The following BAP1 variants were observed in gnomAD, a reference collection of about 807,000 sequenced individuals.
BAP1 encodes BRCA1 associated deubiquitinase 1.
A neutral mutation model predicts 77.2 loss-of-function variants in BAP1; 16 were observed. That is an observed-to-expected ratio of 0.21 (90% confidence interval 0.14 to 0.31). The LOEUF (loss-of-function observed/expected upper bound fraction) is 0.31, where lower values mean the gene tolerates loss of function less well. Among genes scored for constraint, BAP1 ranks in the 10% least tolerant of loss-of-function variants. BAP1 has a pLI of 1.00. For synonymous variants in BAP1, 362 were observed against 385.2 expected (o/e 0.94, Z 0.71); for missense variants, 699 against 967.3 (o/e 0.72, Z 3.68).
chr3:52,405,624 C>T (rs2153227145), intron 10 of BAP1, 141 bp downstream of exon 10: 1 of 1,342,956 alleles, frequency 7.4e-7, no homozygotes, highest in South Asian at 1.3e-5. Context: ...TAGGGAAGGA[C>T]TGCTCTCCCT....
At position 52,402,466 on chromosome 3, in the gene BAP1, G is replaced by A; in HGVS notation, c.2057-45C>T. ...CTTGAGCAGGTGCTGGCTGCCTCAG[G>A]CCAGGAGCTGAGGCTCTCATGGCCC... On this transcript the variant is annotated intron_variant, in intron 16 of 16. Transcript: ENST00000460680. This position sits in a 1 kb window ranked among gnomAD's most constrained non-coding sequence, Gnocchi z 5.3. 1 of 1,581,148 alleles carries A rather than the reference G, an allele frequency of 6.3e-7. No individual in the cohort carries two copies. The highest frequency in any genetic ancestry group is 8.6e-7 in the Non-Finnish European group (1 of 1,164,040).
chr3:52,409,991 G>C lies in BAP1; in HGVS notation c.-113C>G. ...CCCTCAGTCCCACACACAGACAACG[G>C]GCCCAGTCGCGTCACCCGCCCGCGC... On this transcript the variant is annotated 5_prime_UTR_variant, in exon 1 of 17. Transcript: ENST00000460680. The C allele has an allele frequency of 6.8e-7, 1 of 1,468,456 alleles. No individual in the cohort carries two copies. The allele number at this position is 1,468,456 out of a possible 1,614,324, so 91.0% of individuals were successfully genotyped here. A position where few individuals can be genotyped will look rare whatever the true frequency, so the allele number is the denominator to read the frequency against.
Position 52,406,021 on chromosome 3 carries a change from C to T in BAP1, c.784-109G>A, listed in dbSNP as rs528933014. 6 of 1,547,772 alleles carry T rather than the reference C, an allele frequency of 3.9e-6. No individual in the cohort carries two copies. The East Asian group carries it at 6.8e-5, about 17-fold the overall frequency. On this transcript the variant is annotated intron_variant, in intron 9 of 16. Coordinates refer to ENST00000460680, the MANE Select transcript of BAP1 (RefSeq NM_004656.4). This position sits in a 1 kb window ranked among gnomAD's most constrained non-coding sequence, Gnocchi z 4.6. ...AATAATGGCCTTGGCTCTACCCATT[C>T]ACTCACAGGGAAATAAAACACCCAA... is the stretch of plus-strand genomic sequence containing the variant.
In BAP1 at chr3:52,403,247, C is replaced by G. The variant is rs144172190; in HGVS notation, c.1781G>C (p.Gly594Ala). ...CTCCTTCTCCACTGGGCTGCTGGACCCCTGGCTGCCTTGGATTGGTCTGAT... is the reference window on the plus strand; with the variant it reads ...CTCCTTCTCCACTGGGCTGCTGGACGCCTGGCTGCCTTGGATTGGTCTGAT... ...PSIRPIQGSQGSSSPVEKEVV... is the reference protein window; with the variant it reads ...PSIRPIQGSQASSSPVEKEVV... Residue 594 changes from glycine to alanine, a missense_variant, in exon 14 of 17, where the codon GGG becomes GCG. Physicochemically the swap from Gly to Ala is moderately conservative, Grantham distance 60 (BLOSUM62 0). Coordinates refer to ENST00000460680, the MANE Select transcript of BAP1 (RefSeq NM_004656.4). The surrounding 1 kb of genome is among the most constrained non-coding windows in gnomAD (Gnocchi z 4.0). The G allele has an allele frequency of 6.7e-5, 108 of 1,614,172 alleles. No individual in the cohort carries two copies. Among genetic ancestry groups the G allele is most frequent in the Admixed American group, 1.0e-4 (6 of 60,032 alleles).
chr3:52,403,071 T>C lies in BAP1; in HGVS notation c.1890+67A>G. ...AAGTTCCAATCAAGAACTTGGCACCTGGGCAGGAGGAGCTCAGGCCTTACC... is the reference window on the plus strand; with the variant it reads ...AAGTTCCAATCAAGAACTTGGCACCCGGGCAGGAGGAGCTCAGGCCTTACC... On this transcript the variant is annotated intron_variant, in intron 14 of 16. Transcript: ENST00000460680. This position sits in a 1 kb window ranked among gnomAD's most constrained non-coding sequence, Gnocchi z 4.0. 6.2e-7 allele frequency: 1 copy of C among 1,603,108 alleles called. No individual in the cohort carries two copies. The highest frequency in any genetic ancestry group is 1.3e-5 in the African/African-American group (1 of 75,006).
At chr3:52,405,501 A>G in intron 10 of BAP1, 1 of 592,406 alleles carries the variant, frequency 1.7e-6, no homozygotes, top group South Asian at 2.3e-5. Context: ...AGAAAAAAAA[A>G]AAAAAAAAAA....
chr3:52,408,986 T>C (rs1019129922), intron 3 of BAP1, among the ~76,000 whole-genome samples: 4 of 152,254 alleles, frequency 2.6e-5, no homozygotes, highest in Admixed American at 2.0e-4. Flanking sequence ...CCTTCTCACT[T>C]GTGGGCCCCA....
rs754653135 is a variant in BAP1 at position 52,403,609 on chromosome 3, G to A, written c.1536C>T (p.Arg512=). The change falls in exon 13 of 17, where the codon CGC becomes CGT. Residue 512 remains arginine (R), a synonymous_variant. Transcript: ENST00000460680. The surrounding 1 kb of genome is among the most constrained non-coding windows in gnomAD (Gnocchi z 4.0). ...AFNSPLRSPI[R]SANPTRPSSP... ...TGGAGGGCCGCGTCGGGTTGGCTGA[G>A]CGGATAGGCGAGCGCAGTGGCGAGT... is the stretch of plus-strand genomic sequence containing the variant. 6.2e-6 allele frequency: 10 copies of A among 1,614,214 alleles called. No homozygotes were observed. The East Asian group carries it at 1.3e-4, about 22-fold the overall frequency.
rs71084182 is a variant in BAP1 at position 52,405,492 on chromosome 3, GAAAAAAAAAAAAA to G, written c.932-211_932-199del. ...TGAGATGGGAAAAAAGAAGCAGGAA[GAAAAAAAAAAAAA>G]AAAAAAAAAAAAAAAACCGCCTCTA... is the stretch of plus-strand genomic sequence containing the variant. On this transcript the variant is annotated intron_variant, in intron 10 of 16. Coordinates refer to ENST00000460680, the MANE Select transcript of BAP1 (RefSeq NM_004656.4). The G allele has an allele frequency of 4.6e-3, 378 of 81,330 alleles. 1 individual carries two copies. The highest frequency in any genetic ancestry group is 0.017 in the African/African-American group (186 of 10,936). The allele number at this position is 81,330 out of a possible 1,614,324, so 5.0% of individuals were successfully genotyped here.
At position 52,408,626 on chromosome 3, in the gene BAP1, G is replaced by A. The variant is rs747271100; in HGVS notation, c.123-20C>T. 37 of 1,605,710 alleles carry A rather than the reference G, an allele frequency of 2.3e-5. No individual in the cohort carries two copies. The highest frequency in any genetic ancestry group is 2.8e-5 in the Non-Finnish European group (33 of 1,175,904). On this transcript the variant is annotated intron_variant, in intron 3 of 16. Coordinates refer to ENST00000460680, the MANE Select transcript of BAP1 (RefSeq NM_004656.4). ...ACAGGGCTGGGGGAAGTAAGGGGCA[G>A]AGCCAGATCAGCCAAAGGGGAGAAG...
chr3:52,401,162 A>C lies in BAP1; in HGVS notation c.*1126T>G. ...TGTACAGATAAAGGGGCCTGCTTGGATCACCTTTTTCAAAGCCATCTGGCA... is the reference window on the plus strand; with the variant it reads ...TGTACAGATAAAGGGGCCTGCTTGGCTCACCTTTTTCAAAGCCATCTGGCA... On this transcript the variant is annotated 3_prime_UTR_variant, in exon 17 of 17. Coordinates refer to ENST00000460680, the MANE Select transcript of BAP1 (RefSeq NM_004656.4). 1 of 232,798 alleles carries C rather than the reference A, an allele frequency of 4.3e-6. No individual in the cohort carries two copies. The highest frequency in any genetic ancestry group is 8.5e-6 in the Non-Finnish European group (1 of 117,780). The allele number at this position is 232,798 out of a possible 1,614,324, so 14.4% of individuals were successfully genotyped here. A position where few individuals can be genotyped will look rare whatever the true frequency, so the allele number is the denominator to read the frequency against.
In BAP1 at chr3:52,403,441, C is replaced by T. The variant is rs1553644812; in HGVS notation, c.1704G>A (p.Gly568=). The T allele has an allele frequency of 1.2e-6, 2 of 1,613,840 alleles. No individual in the cohort carries two copies. The highest frequency in any genetic ancestry group is 1.7e-5 in the Admixed American group (1 of 60,022). Residue 568 remains glycine, a synonymous_variant, in exon 13 of 17, where the codon GGG becomes GGA. Coordinates refer to ENST00000460680, the MANE Select transcript of BAP1 (RefSeq NM_004656.4). This position sits in a 1 kb window ranked among gnomAD's most constrained non-coding sequence, Gnocchi z 4.0. ...STGLLHLAED[G]VLSPLALTEG... Reference sequence around the variant, plus strand: ...CTGTCAGCGCCAGGGGACTCAGCACCCCATCCTCAGCCAGGTGCAGCAGGC... The same window carrying T: ...CTGTCAGCGCCAGGGGACTCAGCACTCCATCCTCAGCCAGGTGCAGCAGGC...
rs2153227394 is a variant in BAP1, at chr3:52,406,207, C to T, written c.783+46G>A. On this transcript the variant is annotated intron_variant, in intron 9 of 16. Coordinates refer to ENST00000460680, the MANE Select transcript of BAP1 (RefSeq NM_004656.4). The surrounding 1 kb of genome is among the most constrained non-coding windows in gnomAD (Gnocchi z 4.6). ...GCTGTGGGGGAAGGGAGGAGGAATGCAGGGAGGGTTGGGCTGGGCAGAGGC... is the reference window on the plus strand; with the variant it reads ...GCTGTGGGGGAAGGGAGGAGGAATGTAGGGAGGGTTGGGCTGGGCAGAGGC... 3 of 1,613,152 alleles carry T rather than the reference C, an allele frequency of 1.9e-6. No homozygotes were observed. The highest frequency in any genetic ancestry group is 1.7e-6 in the Non-Finnish European group (2 of 1,179,704).
Position 52,402,559 on chromosome 3 carries a change from C to G in BAP1, c.2056+43G>C. 6.2e-7 allele frequency: 1 copy of G among 1,612,666 alleles called. No homozygotes were observed. The highest frequency in any genetic ancestry group is 8.5e-7 in the Non-Finnish European group (1 of 1,178,742). On this transcript the variant is annotated intron_variant, in intron 16 of 16. Transcript: ENST00000460680. The surrounding 1 kb of genome is among the most constrained non-coding windows in gnomAD (Gnocchi z 5.3). Reference sequence around the variant, plus strand: ...GGGAGGGGAGCTGAAGGACACGGCCCTCAGCAGGGCATTCCAGTTAAGACA... The same window carrying G: ...GGGAGGGGAGCTGAAGGACACGGCCGTCAGCAGGGCATTCCAGTTAAGACA...
rs1704971448 is a variant in BAP1 at position 52,402,023 on chromosome 3, C to T, written c.*265G>A. 1 of 594,028 alleles carries T rather than the reference C, an allele frequency of 1.7e-6. No homozygotes were observed. The allele number at this position is 594,028 out of a possible 1,614,324, so 36.8% of individuals were successfully genotyped here. ...CAGGCAGAAGGGCCAGGTCCTGCTG[C>T]TCCACAGCCGGCTGTGGAGGAAGCT... On this transcript the variant is annotated 3_prime_UTR_variant, in exon 17 of 17. Coordinates refer to ENST00000460680, the MANE Select transcript of BAP1 (RefSeq NM_004656.4). The surrounding 1 kb of genome is among the most constrained non-coding windows in gnomAD (Gnocchi z 5.3).
In BAP1 at chr3:52,406,485, A is replaced by G; in HGVS notation, c.660-109T>C. On this transcript the variant is annotated intron_variant, in intron 8 of 16. Coordinates refer to ENST00000460680, the MANE Select transcript of BAP1 (RefSeq NM_004656.4). This position sits in a 1 kb window ranked among gnomAD's most constrained non-coding sequence, Gnocchi z 4.6. ...TGCAGTCACACCTGCAGCTGTAGGT[A>G]TAGGCCCCACCCCAACAGGCAGGCA... 6 of 1,530,632 alleles carry G rather than the reference A, an allele frequency of 3.9e-6. No individual in the cohort carries two copies. Among genetic ancestry groups the G allele is most frequent in the Non-Finnish European group, 5.3e-6 (6 of 1,129,666 alleles). 94.8% of individuals were successfully genotyped at this position (1,530,632 alleles called of 1,614,324 possible). A position where few individuals can be genotyped will look rare whatever the true frequency, so the allele number is the denominator to read the frequency against.
rs2153226652 is a variant in BAP1, at chr3:52,403,553, A to G, written c.1592T>C (p.Leu531Pro). ...CAGCAGGCTGTCATCCTCTCCAAAA[A>G]GCACCTTGGAGATGTGGGAGGTGAC... ...SPVTSHISKV[L>P]FGEDDSLLRV... Residue 531 changes from leucine (L) to proline (P), a missense_variant, in exon 13 of 17, where the codon CTT (leucine) becomes CCT (proline). Physicochemically the swap from Leu to Pro is moderately conservative, Grantham distance 98 (BLOSUM62 -3). Around this residue, in one of 3 missense-constraint regions of BAP1, gnomAD observed 475 missense variants for 532.4 expected, o/e 0.89. Coordinates refer to ENST00000460680, the MANE Select transcript of BAP1 (RefSeq NM_004656.4). The surrounding 1 kb of genome is among the most constrained non-coding windows in gnomAD (Gnocchi z 4.0). The G allele has an allele frequency of 1.2e-6, 2 of 1,614,124 alleles. No individual in the cohort carries two copies. The highest frequency in any genetic ancestry group is 1.7e-6 in the Non-Finnish European group (2 of 1,179,998).
chr3:52,404,543 G>A lies in BAP1; in HGVS notation c.1160C>T (p.Pro387Leu), dbSNP rs1404481415. Residue 387 changes from proline to leucine, a missense_variant, in exon 12 of 17, where the codon CCA (proline) becomes CTA (leucine). Around this residue, in one of 3 missense-constraint regions of BAP1, gnomAD observed 475 missense variants for 532.4 expected, o/e 0.89. Transcript: ENST00000460680. ...LAAGVGRSRV[P>L]VRPPQQYSDD... ...TGAGTACTGCTGGGGTGGGCGGACT[G>A]GAACTCGGCTGCGGCCCACACCTGC... 6.2e-7 allele frequency: 1 copy of A among 1,614,062 alleles called. No homozygotes were observed. The highest frequency in any genetic ancestry group is 1.1e-5 in the South Asian group (1 of 91,066).
At position 52,402,859 on chromosome 3, in the gene BAP1, G is replaced by T; in HGVS notation, c.1903C>A (p.Leu635Met). ...EKYSPKELLA[L>M]LKCVEAEIAN... is the part of the protein sequence containing the mutation. Reference sequence around the variant, plus strand: ...ATCTCAGCCTCCACACACTTCAGCAGTGCCAGCAGCTCCTGCCAAAACCCA... The same window carrying T: ...ATCTCAGCCTCCACACACTTCAGCATTGCCAGCAGCTCCTGCCAAAACCCA... Residue 635 changes from leucine (L) to methionine (M), a missense_variant, in exon 15 of 17, where the codon CTG becomes ATG. Physicochemically the swap from Leu to Met is conservative, Grantham distance 15 (BLOSUM62 2). Transcript: ENST00000460680. The surrounding 1 kb of genome is among the most constrained non-coding windows in gnomAD (Gnocchi z 5.3). The T allele has an allele frequency of 6.2e-7, 1 of 1,614,156 alleles. No homozygotes were observed. Among genetic ancestry groups the T allele is most frequent in the Non-Finnish European group, 8.5e-7 (1 of 1,180,032 alleles).
Sources: gnomAD v4.1 joint callset for allele counts (sites outside exome capture counted in the v4.1 genomes callset) on GRCh38, gnomAD v4.1.1 for gene constraint, gnomAD v4.1.1 regional missense constraint, Gnocchi (gnomAD v3.1) non-coding constraint, MANE v1.5 for transcripts, NCBI Gene and HGNC (gene_info 2026-07-23, HGNC 2026-07-21) for gene names.